TENM4: variants seen among roughly 807,000 people sequenced by gnomAD.
The protein encoded by TENM4 is teneurin-4.
In TENM4, 82 loss-of-function variants were observed where a neutral mutation model predicts 243.3. The observed-to-expected ratio is 0.34, with a 90% CI of 0.28 to 0.40. TENM4 has a LOEUF of 0.40. Among genes scored for constraint, TENM4 ranks in the 10% least tolerant of loss-of-function variants. The pLI is 1.00. For missense variants in TENM4, 3,138 were observed against 3,673.3 expected, an observed-to-expected ratio of 0.85 and a Z score of 3.77; for synonymous variants, 1,412 against 1,456.3, an observed-to-expected ratio of 0.97 and a Z score of 0.69.
intron 6 of TENM4, among the ~76,000 whole-genome samples, chr11:79,046,446 T>C (rs1266867929): frequency 1.3e-5 from 2 of 149,146 alleles, no homozygotes; most frequent in South Asian, 2.1e-4. Flanking sequence ...GGATGAACTC[T>C]CCCCCCCAAA....
At chr11:79,036,789 A>G (rs1859392028) in intron 6 of TENM4, among the ~76,000 whole-genome samples, 1 of 152,150 alleles carries the variant, frequency 6.6e-6, no homozygotes, top group Non-Finnish European at 1.5e-5. Flanking sequence ...AGGCAGGAGG[A>G]TCACAAGGTC....
intron 6 of TENM4, among the ~76,000 whole-genome samples, chr11:79,005,658 T>G (rs1399665657): frequency 1.3e-5 from 2 of 151,956 alleles, no homozygotes; most frequent in Admixed American, 1.3e-4. Flanking sequence ...GGCAAAAACT[T>G]GAAGCATTTC....
intron 1 of TENM4, among the ~76,000 whole-genome samples, chr11:79,431,727 T>G (rs1859172402): frequency 6.6e-6 from 1 of 152,206 alleles, no homozygotes; most frequent in African/African-American, 2.4e-5. Context: ...AATAGTCATC[T>G]ACCTGTAGTC....
intron 15 of TENM4, among the ~76,000 whole-genome samples, chr11:78,794,343 T>A (rs10793346): frequency 0.15 from 22,524 of 152,126 alleles, 1,921 homozygotes; most frequent in East Asian, 0.42. Context: ...CAGAGTCATG[T>A]GGGACACAGT....
chr11:79,126,598 T>A (rs1027353098), intron 4 of TENM4, among the ~76,000 whole-genome samples: 1 of 152,186 alleles, frequency 6.6e-6, no homozygotes, highest in Non-Finnish European at 1.5e-5. Flanking sequence ...GAAGTGAAAC[T>A]GATAGGAAGC....
chr11:79,138,856 C>CATATACATTATATTTATATAAATATAT (rs1565219733), intron 4 of TENM4, among the ~76,000 whole-genome samples: 1 of 94,562 alleles, frequency 1.1e-5, no homozygotes, highest in African/African-American at 4.4e-5. Flanking sequence ...TATAAATATA[C>CATATACATTATATTTATATAAATATAT]AAAATATACC....
intron 1 of TENM4, among the ~76,000 whole-genome samples, chr11:79,404,420 G>T (rs1858525250): frequency 6.6e-6 from 1 of 152,204 alleles, no homozygotes; most frequent in African/African-American, 2.4e-5. Flanking sequence ...TGCAGAGAGA[G>T]AAAGTAGACT....
chr11:79,062,952 C>T (rs747415518), intron 6 of TENM4, among the ~76,000 whole-genome samples: 7 of 152,104 alleles, frequency 4.6e-5, no homozygotes, highest in Non-Finnish European at 1.0e-4. Flanking sequence ...GAGAGGGAAA[C>T]TCCTCTGGTA....
rs370997508 is a variant in TENM4, at chr11:78,909,964, C to T, written c.494-6441G>A. ...GTGGCCACGTGGAGGATGAACCAGG[C>T]CGGGACAGGCTATAAGAACCCCCTA... On this transcript the variant is annotated intron_variant, in intron 6 of 33. Coordinates refer to ENST00000278550, the MANE Select transcript of TENM4 (RefSeq NM_001098816.3). Among the ~76,000 whole-genome samples, 6 of 152,256 alleles carry T rather than the reference C, an allele frequency of 3.9e-5. No homozygotes were observed. The East Asian group carries it at 1.2e-3, about 29-fold the overall frequency.
chr11:79,362,420 G>A (rs1857606225), intron 1 of TENM4, among the ~76,000 whole-genome samples: 1 of 152,238 alleles, frequency 6.6e-6, no homozygotes, highest in African/African-American at 2.4e-5. Context: ...GGCAGGAACT[G>A]CAATCTATCC....
At chr11:78,839,145 T>C (rs144484562) in intron 12 of TENM4, among the ~76,000 whole-genome samples, 75 of 152,352 alleles carry the variant, frequency 4.9e-4, no homozygotes, top group African/African-American at 1.7e-3. Context: ...ATTTCTTCCA[T>C]ACTTTCATCT....
chr11:78,989,773 G>A (rs771852626), intron 6 of TENM4, among the ~76,000 whole-genome samples: 2 of 152,166 alleles, frequency 1.3e-5, no homozygotes, highest in Non-Finnish European at 2.9e-5. Context: ...GATGGTTTAG[G>A]CTGGGCACCA....
intron 1 of TENM4, among the ~76,000 whole-genome samples, chr11:79,420,702 A>G (rs180691689): frequency 1.3e-5 from 2 of 152,082 alleles, no homozygotes; most frequent in Admixed American, 1.3e-4. Flanking sequence ...GGGGATGGTT[A>G]TTTGCTCCTA....
chr11:78,849,888 T>C (rs539761616), intron 12 of TENM4, among the ~76,000 whole-genome samples: 1 of 152,362 alleles, frequency 6.6e-6, no homozygotes, highest in African/African-American at 2.4e-5. Context: ...CAGCTAGTGA[T>C]ATACATTCTC....
chr11:79,156,266 C>T (rs759729320), intron 3 of TENM4, among the ~76,000 whole-genome samples: 1 of 152,190 alleles, frequency 6.6e-6, no homozygotes, highest in Admixed American at 6.5e-5. Context: ...TAGCTCCTGC[C>T]CAAGTTGGCA....
intron 9 of TENM4, among the ~76,000 whole-genome samples, chr11:78,885,096 T>C (rs771012875): frequency 8.5e-4 from 130 of 152,204 alleles, no homozygotes; most frequent in Non-Finnish European, 1.4e-3. Flanking sequence ...TTAAATGCTA[T>C]ACAATAAAGC....
chr11:79,304,892 T>C (rs548776832), intron 1 of TENM4, among the ~76,000 whole-genome samples: 1 of 152,302 alleles, frequency 6.6e-6, no homozygotes, highest in South Asian at 2.1e-4. Context: ...ATTTTCTTAT[T>C]TACCTAAAAA....
intron 3 of TENM4, among the ~76,000 whole-genome samples, chr11:79,186,885 G>A (rs1863390218): frequency 6.6e-6 from 1 of 152,156 alleles, no homozygotes; most frequent in Non-Finnish European, 1.5e-5. Flanking sequence ...ATCTGAAACA[G>A]CCCCTCGGAG....
At chr11:79,426,888 C>G (rs1425921254) in intron 1 of TENM4, among the ~76,000 whole-genome samples, 1 of 152,268 alleles carries the variant, frequency 6.6e-6, no homozygotes, top group East Asian at 1.9e-4. Context: ...GTATTGGTAC[C>G]TTTCATTCCC....
Sources: allele counts gnomAD v4.1 joint callset (sites outside exome capture counted in the v4.1 genomes callset), GRCh38; gene constraint gnomAD v4.1.1; transcripts MANE v1.5; gene names NCBI Gene and HGNC (gene_info 2026-07-23, HGNC 2026-07-21).